PRPF39: variants seen among roughly 807,000 people sequenced by gnomAD.
The protein encoded by PRPF39 is pre-mRNA processing factor 39.
In PRPF39, 27 loss-of-function variants were observed where a neutral mutation model predicts 82.1. The observed-to-expected ratio is 0.33, with a 90% confidence interval of 0.24 to 0.45. PRPF39 has a LOEUF of 0.45. Ranked by LOEUF, PRPF39 falls within the 20% of genes least tolerant of loss-of-function variation. PRPF39 has a pLI of 1.00. For missense variants in PRPF39, 581 were observed against 796.9 expected (o/e 0.73, Z 3.26); for synonymous variants, 261 against 256.4 (o/e 1.02, Z -0.17).
rs1211324339 is a variant in PRPF39 at position 45,109,878 on chromosome 14, A to G, written c.1176+98A>G. On this transcript the variant is annotated intron_variant, in intron 8 of 13. Coordinates refer to ENST00000355765, the MANE Select transcript of PRPF39 (RefSeq NM_017922.4). ...TCTGTTGAATGTTGTTCATATAACT[A>G]TATCTGTTGCATTAGGAGATGGTCT... 1.2e-5 allele frequency: 18 copies of G among 1,516,220 alleles called. 1 individual carries two copies. The South Asian group carries it at 1.8e-4, about 15-fold the overall frequency. The allele number at this position is 1,516,220 out of a possible 1,614,324, so 93.9% of individuals were successfully genotyped here. A position where few individuals can be genotyped will look rare whatever the true frequency, so the allele number is the denominator to read the frequency against.
rs1210382433 is a variant in PRPF39 at position 45,107,434 on chromosome 14, T to A, written c.738-17T>A. ...AATTATGATTCAAATACATATATTT[T>A]TATTGTCTTCCTTTAGATTTAAAGA... On this transcript the variant is annotated splice_polypyrimidine_tract_variant and intron_variant, in intron 5 of 13. Coordinates refer to ENST00000355765, the MANE Select transcript of PRPF39 (RefSeq NM_017922.4). 1 of 1,472,718 alleles carries A rather than the reference T, an allele frequency of 6.8e-7. No homozygotes were observed. Among genetic ancestry groups the A allele is most frequent in the Non-Finnish European group, 9.3e-7 (1 of 1,079,198 alleles). The allele number at this position is 1,472,718 out of a possible 1,614,324, so 91.2% of individuals were successfully genotyped here.
intron 6 of PRPF39, 32 bp from the exon 7 acceptor site, chr14:45,108,383 G>A: frequency 6.4e-7 from 1 of 1,556,130 alleles, no homozygotes; most frequent in Non-Finnish European, 8.6e-7. Context: ...TACAGTTTGT[G>A]AGATTTATTT....
In PRPF39 at chr14:45,086,846, GTT is replaced by G. The variant is rs57666854; in HGVS notation, c.-20+2619_-20+2620del. Among the ~76,000 whole-genome samples, 1,052 of 118,414 alleles carry G rather than the reference GTT, an allele frequency of 8.9e-3. 4 individuals are homozygous for G. The highest frequency in any genetic ancestry group is 0.015 in the Non-Finnish European group (850 of 56,140). 77.7% of individuals were successfully genotyped at this position (118,414 alleles called of 152,430 possible). A position where few individuals can be genotyped will look rare whatever the true frequency, so the allele number is the denominator to read the frequency against. ...TGCAGTAGTGCAGCAGTGTTTCTCA[GTT>G]TTTTTTTTTTTTTTTTTTTTTACTG... On this transcript the variant is annotated intron_variant, in intron 1 of 13. Transcript: ENST00000355765.
intron 3 of PRPF39, 50 bp from the exon 4 acceptor site, chr14:45,096,837 G>C: frequency 3.9e-6 from 6 of 1,534,792 alleles, no homozygotes; most frequent in Non-Finnish European, 5.3e-6. Context: ...TTGCCTCTCT[G>C]TTAAGAAATA....
intron 1 of PRPF39, among the ~76,000 whole-genome samples, chr14:45,085,107 G>A (rs1883779281): frequency 6.6e-6 from 1 of 152,108 alleles, no homozygotes; most frequent in Admixed American, 6.6e-5. Flanking sequence ...TTTTGGACAG[G>A]GACGTATGAA....
rs142365872 is a variant in PRPF39, at chr14:45,100,231, AAAACAAACAAAC to A, written c.570-2278_570-2267del. On this transcript the variant is annotated intron_variant, in intron 4 of 13. Coordinates refer to ENST00000355765, the MANE Select transcript of PRPF39 (RefSeq NM_017922.4). ...GGTGACAGAGCGAGACCCTGTCTCA[AAAACAAACAAAC>A]AAACAAACAAACAAACAAAACAAAA... Among the ~76,000 whole-genome samples, 5 of 151,718 alleles carry A rather than the reference AAAACAAACAAAC, an allele frequency of 3.3e-5. 1 individual carries two copies. The highest frequency in any genetic ancestry group is 2.9e-5 in the Non-Finnish European group (2 of 67,976).
chr14:45,109,494 T>C, intron 7 of PRPF39, 122 bp from the exon 8 acceptor site: 1 of 816,712 alleles, frequency 1.2e-6, no homozygotes, highest in East Asian at 3.2e-5. Flanking sequence ...TTTTAAATTA[T>C]GAAATATGAT....
chr14:45,100,804 T>A (rs1203378184), intron 4 of PRPF39, among the ~76,000 whole-genome samples: 2 of 152,228 alleles, frequency 1.3e-5, no homozygotes, highest in Non-Finnish European at 2.9e-5. Flanking sequence ...ATATGGAGTT[T>A]TATTTTTCCT....
Position 45,112,361 on chromosome 14 carries a change from G to A in PRPF39, c.1616G>A (p.Ser539Asn). 1 of 1,580,194 alleles carries A rather than the reference G, an allele frequency of 6.3e-7. No individual in the cohort carries two copies. The highest frequency in any genetic ancestry group is 1.2e-5 in the South Asian group (1 of 84,158). The change falls in exon 11 of 14, where the codon AGT (serine) becomes AAT (asparagine). Residue 539 changes from serine (S) to asparagine (N), a missense_variant. By Grantham distance (46) the Ser-to-Asn change is conservative. Transcript: ENST00000355765. ...LYLNLLEMEYSGDLKQNEENI... is the reference protein window; with the variant it reads ...LYLNLLEMEYNGDLKQNEENI... ...CTCAATTTACTTGAAATGGAATATA[G>A]TGGTGACCTCAAACAAAATGAAGAA...
intron 3 of PRPF39, chr14:45,096,663 C>G (rs1178769814): frequency 6.7e-7 from 1 of 1,503,278 alleles, no homozygotes; most frequent in South Asian, 1.2e-5. Flanking sequence ...CCCACACAAC[C>G]CGGTCAGAAT....
rs779430142 is a variant in PRPF39, at chr14:45,095,255, A to C, written c.16A>C (p.Met6Leu). 5 of 1,591,444 alleles carry C rather than the reference A, an allele frequency of 3.1e-6. No homozygotes were observed. In the East Asian group the frequency reaches 1.1e-4, roughly 36 times the overall value. ...TGAAGACAATATGCAAAATTCTCAC[A>C]TGGATGAATACAGAAATTCTAGTAA... The part of the protein sequence containing the change: MQNSH[M>L]DEYRNSSNGS... Residue 6 changes from methionine to leucine, a missense_variant, in exon 2 of 14, where the codon ATG (methionine) becomes CTG (leucine). Physicochemically the swap from Met to Leu is conservative, Grantham distance 15 (BLOSUM62 2). Coordinates refer to ENST00000355765, the MANE Select transcript of PRPF39 (RefSeq NM_017922.4).
rs535376876 is a variant in PRPF39, at chr14:45,099,499, C to T, written c.569+2494C>T. The stretch of plus-strand genomic sequence containing the variant: ...TCCCTCTCTCCCCCAGGGTGGAGTG[C>T]AGTGGCTCGATCTCGGCTCACTGCA... On this transcript the variant is annotated intron_variant, in intron 4 of 13. Coordinates refer to ENST00000355765, the MANE Select transcript of PRPF39 (RefSeq NM_017922.4). Among the ~76,000 whole-genome samples the T allele has an allele frequency of 3.3e-5, 5 of 152,118 alleles. No individual in the cohort carries two copies. In the East Asian group the frequency reaches 9.6e-4, roughly 29 times the overall value.
At chr14:45,108,303 C>A in intron 6 of PRPF39, 112 bp from the exon 7 acceptor site, 1 of 1,219,102 alleles carries the variant, frequency 8.2e-7, no homozygotes. Flanking sequence ...AAAAATCTAC[C>A]ACTATTCTAA....
At chr14:45,092,162 G>C (rs956245143) in intron 1 of PRPF39, among the ~76,000 whole-genome samples, 4 of 152,148 alleles carry the variant, frequency 2.6e-5, no homozygotes, top group Admixed American at 6.6e-5. Context: ...TTTCAGTTTT[G>C]TGGTCACTTA....
intron 1 of PRPF39, among the ~76,000 whole-genome samples, chr14:45,092,600 C>CAAAAA (rs775755309): frequency 5.8e-5 from 3 of 51,482 alleles, no homozygotes; most frequent in Non-Finnish European, 1.3e-4. Flanking sequence ...GACTCTGTCT[C>CAAAAA]AAAAAAAAAA....
intron 10 of PRPF39, among the ~76,000 whole-genome samples, chr14:45,111,951 A>G (rs1047341504): frequency 1.3e-5 from 2 of 152,078 alleles, no homozygotes; most frequent in East Asian, 1.9e-4. Flanking sequence ...ATGTTTATCT[A>G]TAGTTGTAGT....
chr14:45,107,454 T>G lies in PRPF39; in HGVS notation c.741T>G (p.Phe247Leu). The change falls in exon 6 of 14, where the codon TTT becomes TTG. Residue 247 changes from phenylalanine to leucine, a missense_variant. Phe to Leu is a conservative substitution (Grantham distance 22). Coordinates refer to ENST00000355765, the MANE Select transcript of PRPF39 (RefSeq NM_017922.4). ...TQLYSHHFQR[F>L]KEHVQNNLPR... ...TATTTTTATTGTCTTCCTTTAGATT[T>G]AAAGAACATGTACAGAATAATTTGC... 6.6e-7 allele frequency: 1 copy of G among 1,524,592 alleles called. No homozygotes were observed. Among genetic ancestry groups the G allele is most frequent in the Non-Finnish European group, 8.9e-7 (1 of 1,121,798 alleles). 94.4% of individuals were successfully genotyped at this position (1,524,592 alleles called of 1,614,324 possible).
In PRPF39 at chr14:45,116,143, C is replaced by G. The variant is rs984706501; in HGVS notation, c.*1230C>G. The G allele has an allele frequency of 5.7e-5, 75 of 1,324,130 alleles. No homozygotes were observed. The Admixed American group carries it at 6.4e-4, about 11-fold the overall frequency. 82.0% of individuals were successfully genotyped at this position (1,324,130 alleles called of 1,614,324 possible). ...TTCTAACTAGTTGTGTAAATTTCTT[C>G]AAGGCCAAGTTTTATCATTGTTGCT... is the stretch of plus-strand genomic sequence containing the variant. On this transcript the variant is annotated 3_prime_UTR_variant, in exon 14 of 14. Transcript: ENST00000355765.
chr14:45,098,923 T>G (rs1884286382), intron 4 of PRPF39, among the ~76,000 whole-genome samples: 1 of 152,182 alleles, frequency 6.6e-6, no homozygotes, highest in South Asian at 2.1e-4. Context: ...GATGAAAAAA[T>G]AATTTTAAGG....
Sources: gnomAD v4.1 joint callset for allele counts (sites outside exome capture counted in the v4.1 genomes callset) on GRCh38, gnomAD v4.1.1 for gene constraint, MANE v1.5 for transcripts, NCBI Gene and HGNC (gene_info 2026-07-23, HGNC 2026-07-21) for gene names.